RORA: variants seen among roughly 807,000 people sequenced by gnomAD.
RORA encodes the protein RAR related orphan receptor A, also known as nuclear receptor ROR-alpha.
In RORA, 7 loss-of-function variants were observed where a neutral mutation model predicts 69.5. That is an observed-to-expected ratio of 0.10 (90% CI 0.06 to 0.19). RORA has a LOEUF of 0.19. Ranked by LOEUF, RORA falls within the 10% of genes least tolerant of loss-of-function variation. The pLI is 1.00. For synonymous variants in RORA, 261 were observed against 240.8 expected, an observed-to-expected ratio of 1.08 and a Z score of -0.78; for missense variants, 457 against 663.0, an observed-to-expected ratio of 0.69 and a Z score of 3.41.
chr15:60,526,062 T>C (rs1036112495), intron 3 of RORA, among the ~76,000 whole-genome samples: 2 of 152,054 alleles, frequency 1.3e-5, no homozygotes, highest in Non-Finnish European at 2.9e-5. Flanking sequence ...AAGAAGCATA[T>C]GAGGAAAAAA....
intron 2 of RORA, among the ~76,000 whole-genome samples, chr15:60,597,571 TATAC>T (rs1396007851): frequency 8.5e-5 from 3 of 35,350 alleles, no homozygotes; most frequent in African/African-American, 4.2e-4. Flanking sequence ...TATATATATA[TATAC>T]ACATATATAT....
intron 2 of RORA, among the ~76,000 whole-genome samples, chr15:60,626,528 A>T (rs1219676771): frequency 6.6e-6 from 1 of 152,196 alleles, no homozygotes; most frequent in Non-Finnish European, 1.5e-5. Context: ...AACCTCAAAA[A>T]TATCATTGAT....
chr15:60,950,061 G>A (rs1412957665), intron 1 of RORA, among the ~76,000 whole-genome samples: 1 of 151,492 alleles, frequency 6.6e-6, no homozygotes, highest in Admixed American at 6.6e-5. Flanking sequence ...ACCCTCAAAG[G>A]GAAGCCCATC....
intron 1 of RORA, among the ~76,000 whole-genome samples, chr15:61,079,019 T>C (rs976749559): frequency 6.6e-6 from 1 of 152,090 alleles, no homozygotes; most frequent in Non-Finnish European, 1.5e-5. Flanking sequence ...TAGGTACAAG[T>C]GATTAAATGA....
chr15:60,721,103 G>C (rs543510670), intron 1 of RORA, among the ~76,000 whole-genome samples: 1 of 152,116 alleles, frequency 6.6e-6, no homozygotes, highest in South Asian at 2.1e-4. Context: ...CTCCTTTCCT[G>C]GGGTAACGAT....
In RORA at chr15:60,499,916, G is replaced by T; in HGVS notation, c.1383C>A (p.His461Gln). The T allele has an allele frequency of 1.2e-6, 2 of 1,609,346 alleles. No homozygotes were observed. Among genetic ancestry groups the T allele is most frequent in the African/African-American group, 1.3e-5 (1 of 74,678 alleles). ...CCTTTGTTAGTATTCCATCTTCTCG[G>T]TGATTCTTCTGTAGGACGTGTTGAA... ...LALQHVLQKN[H>Q]REDGILTKLI... The change falls in exon 10 of 11, where the codon CAC (histidine) becomes CAA (glutamine). Residue 461 changes from histidine (H) to glutamine (Q), a missense_variant. By Grantham distance (24) the His-to-Gln change is conservative. Transcript: ENST00000335670.
intron 1 of RORA, among the ~76,000 whole-genome samples, chr15:61,011,298 T>C (rs1451936781): frequency 6.6e-6 from 1 of 152,208 alleles, no homozygotes; most frequent in Non-Finnish European, 1.5e-5. Context: ...TTCTCTTCTA[T>C]AGAACTGCTA....
chr15:60,835,372 T>C (rs979153228), intron 1 of RORA, among the ~76,000 whole-genome samples: 2 of 152,216 alleles, frequency 1.3e-5, no homozygotes, highest in Non-Finnish European at 2.9e-5. Flanking sequence ...CAGTCAATCA[T>C]ATAATCTTTC....
At chr15:60,624,881 A>G (rs1462146406) in intron 2 of RORA, among the ~76,000 whole-genome samples, 1 of 152,096 alleles carries the variant, frequency 6.6e-6, no homozygotes, top group Admixed American at 6.6e-5. Context: ...TAGCAACCCC[A>G]GTATCATTCC....
intron 1 of RORA, among the ~76,000 whole-genome samples, chr15:60,900,300 G>T (rs1365171054): frequency 1.4e-5 from 2 of 144,794 alleles, no homozygotes; most frequent in Admixed American, 1.4e-4. Context: ...CACACAAAAT[G>T]ATCAGCACAG....
chr15:61,159,912 A>G (rs982773995), intron 1 of RORA, among the ~76,000 whole-genome samples: 1 of 152,234 alleles, frequency 6.6e-6, no homozygotes, highest in South Asian at 2.1e-4. Context: ...GAAGATGGGT[A>G]CACTCAGATG....
intron 1 of RORA, among the ~76,000 whole-genome samples, chr15:61,117,616 A>G (rs1011624306): frequency 6.6e-6 from 1 of 152,198 alleles, no homozygotes. Flanking sequence ...TGACTGCTAA[A>G]TGTGTTTGAG....
intron 1 of RORA, among the ~76,000 whole-genome samples, chr15:61,159,273 A>C (rs1272082495): frequency 6.6e-6 from 1 of 152,172 alleles, no homozygotes; most frequent in African/African-American, 2.4e-5. Flanking sequence ...CCCTATAAAG[A>C]AGCAGCTTTG....
chr15:60,812,636 A>C (rs1183786198), intron 1 of RORA, among the ~76,000 whole-genome samples: 2 of 152,268 alleles, frequency 1.3e-5, no homozygotes, highest in Non-Finnish European at 2.9e-5. Context: ...TTAAGGACTT[A>C]GGAATAACAT....
rs115851839 is a variant in RORA, at chr15:61,142,793, G to A, written c.166+86260C>T. On this transcript the variant is annotated intron_variant, in intron 1 of 10. Coordinates refer to ENST00000335670, the MANE Select transcript of RORA (RefSeq NM_134261.3). ...CTTCACGGGTGCTAAAAAAGCATTCGACAAAATCAAAATCCATTCTGATTT... is the reference window on the plus strand; with the variant it reads ...CTTCACGGGTGCTAAAAAAGCATTCAACAAAATCAAAATCCATTCTGATTT... Among the ~76,000 whole-genome samples, 1,110 of 152,078 alleles carry A rather than the reference G, an allele frequency of 7.3e-3. 13 individuals are homozygous for A. Among genetic ancestry groups the A allele is most frequent in the African/African-American group, 0.024 (1,012 of 41,490 alleles).
chr15:60,865,585 C>T (rs553035881), intron 1 of RORA, among the ~76,000 whole-genome samples: 3 of 152,194 alleles, frequency 2.0e-5, no homozygotes, highest in African/African-American at 7.2e-5. Flanking sequence ...TCTGTAGACA[C>T]ATGAAACTGA....
chr15:60,699,662 T>C (rs1328783604), intron 1 of RORA, among the ~76,000 whole-genome samples: 3 of 152,204 alleles, frequency 2.0e-5, no homozygotes, highest in African/African-American at 7.2e-5. Flanking sequence ...CTTTGTAAAA[T>C]GGGGATTCTA....
intron 1 of RORA, among the ~76,000 whole-genome samples, chr15:60,937,642 T>C (rs1338613701): frequency 6.6e-6 from 1 of 152,192 alleles, no homozygotes; most frequent in Non-Finnish European, 1.5e-5. Context: ...CCCAGTAGTG[T>C]CTGCTACCAC....
chr15:60,813,504 C>A (rs2072771330), intron 1 of RORA, among the ~76,000 whole-genome samples: 1 of 152,144 alleles, frequency 6.6e-6, no homozygotes, highest in Admixed American at 6.6e-5. Flanking sequence ...AGGAGCTCCA[C>A]CCCAGTGCTG....
Sources: gnomAD v4.1 joint callset for allele counts (sites outside exome capture counted in the v4.1 genomes callset) on GRCh38, gnomAD v4.1.1 for gene constraint, MANE v1.5 for transcripts, NCBI Gene and HGNC (gene_info 2026-07-23, HGNC 2026-07-21) for gene names.